The following ENKUR variants were observed in gnomAD, a reference collection of about 807,000 sequenced individuals.
The protein encoded by ENKUR is enkurin, TRPC channel interacting protein.
In ENKUR, 19 loss-of-function variants were observed where a neutral mutation model predicts 27.6. That is an observed-to-expected ratio of 0.69 (90% CI 0.48 to 1.01). The LOEUF (loss-of-function observed/expected upper bound fraction) is 1.01, where lower values mean the gene tolerates loss of function less well. Among genes scored for constraint, ENKUR ranks in the 50% least tolerant of loss-of-function variants. The pLI is 0.00. For missense variants in ENKUR, 312 were observed against 310.5 expected (o/e 1.00, Z -0.04); for synonymous variants, 117 against 96.9 (o/e 1.21, Z -1.22).
chr10:24,990,734 A>T (rs1849909025), intron 3 of ENKUR, 125 bp from the exon 4 acceptor site: 1 of 930,848 alleles, frequency 1.1e-6, no homozygotes, highest in Non-Finnish European at 1.5e-6. Flanking sequence ...AAAACCCTGT[A>T]AATTGACAAA....
chr10:25,042,633 A>G (rs868838533), intron 2 of ENKUR, among the ~76,000 whole-genome samples: 1 of 152,130 alleles, frequency 6.6e-6, no homozygotes, highest in Non-Finnish European at 1.5e-5. Flanking sequence ...TTCAAAATAT[A>G]AAGTTAAAAA....
upstream of ENKUR, among the ~76,000 whole-genome samples, chr10:25,021,067 G>A (rs1467034311): frequency 1.3e-5 from 2 of 152,110 alleles, no homozygotes; most frequent in African/African-American, 4.8e-5. Context: ...CTTGATTCGT[G>A]GGTGAACACC....
intron 2 of ENKUR, among the ~76,000 whole-genome samples, chr10:25,029,461 A>G (rs1470747616): frequency 1.3e-5 from 2 of 152,200 alleles, no homozygotes; most frequent in African/African-American, 4.8e-5. Context: ...ATAGCAATTC[A>G]CTTTCAAAAA....
intron 3 of ENKUR, among the ~76,000 whole-genome samples, chr10:24,991,539 G>T (rs1306999063): frequency 1.3e-5 from 2 of 152,114 alleles, no homozygotes; most frequent in Non-Finnish European, 2.9e-5. Flanking sequence ...CCAGCATGCC[G>T]GCAGGCCATC....
chr10:25,056,620 A>G (rs897930940), intron 2 of ENKUR, among the ~76,000 whole-genome samples: 1 of 152,202 alleles, frequency 6.6e-6, no homozygotes, highest in African/African-American at 2.4e-5. Context: ...CAAGGGAAAT[A>G]TACCTGGAAA....
chr10:24,999,414 T>C lies in ENKUR; in HGVS notation c.210A>G (p.Lys70=). 1 of 1,608,424 alleles carries C rather than the reference T, an allele frequency of 6.2e-7. No homozygotes were observed. Among genetic ancestry groups the C allele is most frequent in the Non-Finnish European group, 8.5e-7 (1 of 1,178,582 alleles). ...KDFLKKHSKE[K]TLPPKKNFDR... ...GATAAAACCTACTGGGTGGTAGAGT[T>C]TTTTCCTTTGAATGTTTCTTTAGGA... The change falls in exon 2 of 6, where the codon AAA becomes AAG. Residue 70 remains lysine, a synonymous_variant. Transcript: ENST00000331161.
At chr10:25,044,228 G>A (rs901848025) in intron 2 of ENKUR, among the ~76,000 whole-genome samples, 2 of 152,082 alleles carry the variant, frequency 1.3e-5, no homozygotes, top group Non-Finnish European at 2.9e-5. Flanking sequence ...CATTCTAGCA[G>A]GCTGTTAAAT....
chr10:25,060,709 G>A (rs980320457), intron 2 of ENKUR, among the ~76,000 whole-genome samples: 2 of 151,910 alleles, frequency 1.3e-5, no homozygotes, highest in African/African-American at 4.8e-5. Context: ...TAAAACCCAC[G>A]TGTTTTTGTT....
At chr10:25,004,887 G>A (rs1374901248) in intron 1 of ENKUR, among the ~76,000 whole-genome samples, 1 of 152,120 alleles carries the variant, frequency 6.6e-6, no homozygotes, top group Non-Finnish European at 1.5e-5. Flanking sequence ...GATTTTTATA[G>A]TTTTGGGTTT....
chr10:25,049,721 G>A (rs1851163123), intron 2 of ENKUR, among the ~76,000 whole-genome samples: 1 of 144,956 alleles, frequency 6.9e-6, no homozygotes, highest in Non-Finnish European at 1.5e-5. Context: ...CTGGGAAGCG[G>A]ATGTTGCAGT....
intron 1 of ENKUR, among the ~76,000 whole-genome samples, chr10:25,003,739 T>G (rs77556738): frequency 0.018 from 2,720 of 152,260 alleles, 74 homozygotes; most frequent in African/African-American, 0.062. Context: ...AAACATGCAT[T>G]ACGGGGGTTT....
At position 25,023,413 on chromosome 10, in the gene ENKUR, C is replaced by T. The variant is rs763045343; in HGVS notation, c.38-27544G>A. The T allele has an allele frequency of 5.6e-6, 9 of 1,614,100 alleles. No homozygotes were observed. In the East Asian group the frequency reaches 1.1e-4, roughly 20 times the overall value. ...CAAAAATATTATCCTGATGGGACCT[C>T]CTGGTGCTGGGAAAACAACAGTAGG... On this transcript the variant is annotated intron_variant, in intron 2 of 5. Coordinates refer to the ENKUR transcript ENST00000615958.
intron 1 of ENKUR, among the ~76,000 whole-genome samples, chr10:25,013,119 G>A (rs192802641): frequency 3.0e-4 from 46 of 152,234 alleles, no homozygotes; most frequent in African/African-American, 8.9e-4. Context: ...ACTTTGCTCC[G>A]CCTTTGCCTT....
At chr10:25,004,250 G>A in intron 1 of ENKUR, among the ~76,000 whole-genome samples, 1 of 152,180 alleles carries the variant, frequency 6.6e-6, no homozygotes. Flanking sequence ...GCATGCATGT[G>A]TCTTTATAAT....
chr10:25,053,560 T>C (rs1851212364), intron 2 of ENKUR, among the ~76,000 whole-genome samples: 2 of 152,174 alleles, frequency 1.3e-5, no homozygotes, highest in South Asian at 4.1e-4. Context: ...GGGCACTAAT[T>C]TTCTATTATA....
At chr10:25,030,544 T>A (rs1248492700) in intron 2 of ENKUR, among the ~76,000 whole-genome samples, 1 of 152,160 alleles carries the variant, frequency 6.6e-6, no homozygotes, top group Non-Finnish European at 1.5e-5. Context: ...TCCTTTCCTG[T>A]AGAAGCTTTT....
At chr10:25,008,619 A>C (rs1234796812) in intron 1 of ENKUR, among the ~76,000 whole-genome samples, 1 of 152,224 alleles carries the variant, frequency 6.6e-6, no homozygotes, top group African/African-American at 2.4e-5. Context: ...ACCACATTAA[A>C]CAAAAACTAA....
At chr10:25,055,487 TA>T (rs1851244090) in intron 2 of ENKUR, among the ~76,000 whole-genome samples, 2 of 141,058 alleles carry the variant, frequency 1.4e-5, no homozygotes, top group Admixed American at 7.7e-5. Context: ...CCCTGTAGTA[TA>T]ATCTCTCTCC....
chr10:25,057,428 C>CAA (rs35895381), intron 2 of ENKUR, among the ~76,000 whole-genome samples: 14,552 of 131,846 alleles, frequency 0.11, 1,098 homozygotes, highest in East Asian at 0.28. Context: ...CACACACACA[C>CAA]AATGCCCTTA....
Sources: allele counts gnomAD v4.1 joint callset (sites outside exome capture counted in the v4.1 genomes callset), GRCh38; gene constraint gnomAD v4.1.1; transcripts MANE v1.5; gene names NCBI Gene and HGNC (gene_info 2026-07-23, HGNC 2026-07-21).